ARHGAP42: variants seen among roughly 807,000 people sequenced by gnomAD.
ARHGAP42 encodes the protein Rho GTPase activating protein 42, also known as rho GTPase-activating protein 42.
ARHGAP42 carries 63 observed loss-of-function variants against 125.0 expected under a neutral mutation model. The ratio of observed to expected loss-of-function variants is 0.50; its 90% confidence interval spans 0.41 to 0.62. ARHGAP42 has a LOEUF of 0.62. Ranked by LOEUF, ARHGAP42 falls within the 20% of genes least tolerant of loss-of-function variation. ARHGAP42 has a pLI of 0.00. For synonymous variants in ARHGAP42, 339 were observed against 351.0 expected, an observed-to-expected ratio of 0.97 and a Z score of 0.38; for missense variants, 766 against 1,024.2, an observed-to-expected ratio of 0.75 and a Z score of 3.44.
At chr11:100,961,875 G>T in intron 15 of ARHGAP42, 107 bp downstream of exon 15, 1 of 815,644 alleles carries the variant, frequency 1.2e-6, no homozygotes, top group Non-Finnish European at 1.9e-6. Flanking sequence ...TCACTCAGTA[G>T]CTCAGTTCCC....
At chr11:100,939,298 T>C (rs1290338626) in intron 8 of ARHGAP42, among the ~76,000 whole-genome samples, 3 of 152,098 alleles carry the variant, frequency 2.0e-5, no homozygotes, top group Admixed American at 1.3e-4. Context: ...CATAATGATA[T>C]TGCAAGAATT....
chr11:100,744,671 A>C (rs1025434284), intron 1 of ARHGAP42, among the ~76,000 whole-genome samples: 2 of 152,022 alleles, frequency 1.3e-5, no homozygotes, highest in African/African-American at 4.8e-5. Flanking sequence ...TGCTTTCAGC[A>C]GTGAAGACTC....
chr11:100,919,132 T>C (rs201767787), intron 5 of ARHGAP42, among the ~76,000 whole-genome samples: 1 of 28,326 alleles, frequency 3.5e-5, no homozygotes, highest in African/African-American at 3.0e-4. Flanking sequence ...GCATGCTCAA[T>C]TCCCCCCTGC....
At chr11:100,746,538 G>A (rs1467315746) in intron 1 of ARHGAP42, among the ~76,000 whole-genome samples, 6 of 152,200 alleles carry the variant, frequency 3.9e-5, no homozygotes. Context: ...TTTTAACCAA[G>A]CATTTACATC....
At chr11:100,957,312 A>G (rs1857829449) in intron 12 of ARHGAP42, among the ~76,000 whole-genome samples, 1 of 152,088 alleles carries the variant, frequency 6.6e-6, no homozygotes, top group African/African-American at 2.4e-5. Flanking sequence ...CAGATAGGAA[A>G]AAAAAACCTA....
At chr11:100,957,932 C>T (rs618017) in intron 12 of ARHGAP42, among the ~76,000 whole-genome samples, 134,228 of 152,048 alleles carry the variant, frequency 0.88, 59,335 homozygotes, top group East Asian at 1. Context: ...ATCTTCATTC[C>T]TTTTTGTTGA....
At chr11:100,764,019 CTT>C (rs1413369701) in intron 1 of ARHGAP42, among the ~76,000 whole-genome samples, 49 of 143,034 alleles carry the variant, frequency 3.4e-4, no homozygotes, top group African/African-American at 1.3e-3. Context: ...TCTTCTTCTT[CTT>C]CTTCTTTTTT....
intron 10 of ARHGAP42, among the ~76,000 whole-genome samples, chr11:100,944,219 T>C (rs1301810042): frequency 6.6e-6 from 1 of 152,062 alleles, no homozygotes; most frequent in Non-Finnish European, 1.5e-5. Flanking sequence ...CTTTGGAAGC[T>C]TGGTGGCCTT....
chr11:100,853,575 T>C (rs1424861678), intron 3 of ARHGAP42, among the ~76,000 whole-genome samples: 1 of 152,188 alleles, frequency 6.6e-6, no homozygotes, highest in Non-Finnish European at 1.5e-5. Context: ...CCTAGAGTTA[T>C]GATGTTAATT....
intron 3 of ARHGAP42, among the ~76,000 whole-genome samples, chr11:100,840,383 A>G (rs2135110803): frequency 6.6e-6 from 1 of 152,272 alleles, no homozygotes; most frequent in African/African-American, 2.4e-5. Flanking sequence ...CTCAGAGGTG[A>G]CTCAACAGAT....
chr11:100,926,027 A>G (rs1404140136), intron 6 of ARHGAP42, among the ~76,000 whole-genome samples: 1 of 152,178 alleles, frequency 6.6e-6, no homozygotes, highest in Non-Finnish European at 1.5e-5. Context: ...CTTAAATAAG[A>G]GTTGTGGAGG....
intron 20 of ARHGAP42, among the ~76,000 whole-genome samples, 181 bp downstream of exon 20, chr11:100,976,618 T>A (rs1181655939): frequency 2.0e-5 from 3 of 152,228 alleles, no homozygotes; most frequent in East Asian, 3.8e-4. Context: ...AATCTTTCCA[T>A]GTCTGTGAAG....
intron 7 of ARHGAP42, among the ~76,000 whole-genome samples, chr11:100,935,062 A>C (rs1336023788): frequency 2.0e-5 from 3 of 152,056 alleles, no homozygotes; most frequent in African/African-American, 7.2e-5. Flanking sequence ...GAATTGGAGA[A>C]AAAAAAATTA....
At chr11:100,838,790 C>T (rs991386004) in intron 3 of ARHGAP42, among the ~76,000 whole-genome samples, 2 of 152,004 alleles carry the variant, frequency 1.3e-5, no homozygotes, top group South Asian at 2.1e-4. Flanking sequence ...TATAATGCTT[C>T]GTTGAGGATC....
intron 5 of ARHGAP42, among the ~76,000 whole-genome samples, chr11:100,916,570 G>A (rs1439816974): frequency 1.3e-5 from 2 of 152,074 alleles, no homozygotes; most frequent in African/African-American, 4.8e-5. Flanking sequence ...ATTTGATCAA[G>A]ATAATATCTA....
chr11:100,921,459 A>G (rs1334257566), intron 5 of ARHGAP42, 35 bp from the exon 6 acceptor site: 2 of 1,431,484 alleles, frequency 1.4e-6, no homozygotes, highest in Admixed American at 2.2e-5. Flanking sequence ...TCTATGTAGA[A>G]CCATCAGTAA....
intron 1 of ARHGAP42, among the ~76,000 whole-genome samples, chr11:100,746,676 G>A (rs576842707): frequency 7.9e-4 from 121 of 152,322 alleles, no homozygotes; most frequent in African/African-American, 2.6e-3. Flanking sequence ...GGGGGCAGCC[G>A]TAGGAGGTGG....
chr11:100,961,534 C>T lies in ARHGAP42; in HGVS notation c.1301-150C>T, dbSNP rs535335064. The T allele has an allele frequency of 1.9e-4, 114 of 610,680 alleles. 1 individual carries two copies. Among genetic ancestry groups the T allele is most frequent in the Admixed American group, 1.2e-3 (36 of 30,196 alleles). The allele number at this position is 610,680 out of a possible 1,614,324, so 37.8% of individuals were successfully genotyped here. A position where few individuals can be genotyped will look rare whatever the true frequency, so the allele number is the denominator to read the frequency against. On this transcript the variant is annotated intron_variant, in intron 14 of 23. Transcript: ENST00000298815. Reference sequence around the variant, plus strand: ...TTAGTGTCAGCTTTTTATCAATTCACGCAAACAACAGTACTAATGTTAACT... The same window carrying T: ...TTAGTGTCAGCTTTTTATCAATTCATGCAAACAACAGTACTAATGTTAACT...
At chr11:100,704,871 AG>A (rs61659334) in intron 1 of ARHGAP42, among the ~76,000 whole-genome samples, 151,338 of 151,338 alleles carry the variant, frequency 1, 75,669 homozygotes, top group Non-Finnish European at 1. Context: ...TAGCTACCCA[AG>A]GAGGCTGAGG....
Sources: allele counts gnomAD v4.1 joint callset (sites outside exome capture counted in the v4.1 genomes callset), GRCh38; gene constraint gnomAD v4.1.1; transcripts MANE v1.5; gene names NCBI Gene and HGNC (gene_info 2026-07-23, HGNC 2026-07-21).